HOXA3: variants seen among roughly 807,000 people sequenced by gnomAD.
HOXA3 encodes the protein homeobox A3, also known as homeobox protein Hox-A3.
A neutral mutation model predicts 30.3 loss-of-function variants in HOXA3; 8 were observed. The observed-to-expected ratio is 0.26, with a 90% CI of 0.15 to 0.48. The LOEUF (loss-of-function observed/expected upper bound fraction) is 0.48. HOXA3 is among the 20% of genes least tolerant of loss of function. The pLI, the probability that HOXA3 is intolerant of heterozygous loss-of-function variation, is 0.99. For synonymous variants in HOXA3, 323 were observed against 273.1 expected (o/e 1.18, Z -1.80); for missense variants, 653 against 614.4 (o/e 1.06, Z -0.66).
intron 4 of HOXA3, among the ~76,000 whole-genome samples, chr7:27,119,241 C>T (rs1028271101): frequency 6.7e-6 from 1 of 148,784 alleles, no homozygotes; most frequent in Admixed American, 6.8e-5. Flanking sequence ...ACCCTCTCCA[C>T]AGGCAGGTCT....
At chr7:27,151,740 G>C (rs1017777956) in intron 1 of HOXA3, 2 of 455,944 alleles carry the variant, frequency 4.4e-6, no homozygotes, top group Non-Finnish European at 4.4e-6. Flanking sequence ...CCACGGAGTA[G>C]AAAGTGCTGT....
intron 1 of HOXA3, chr7:27,143,059 C>T (rs1782630107): frequency 6.5e-7 from 1 of 1,529,500 alleles, no homozygotes; most frequent in Non-Finnish European, 8.7e-7. Context: ...GACTTATGTG[C>T]AGCTTGCGCA....
intron 2 of HOXA3, among the ~76,000 whole-genome samples, chr7:27,136,630 C>T (rs1412440809): frequency 6.6e-6 from 1 of 152,198 alleles, no homozygotes; most frequent in East Asian, 1.9e-4. Flanking sequence ...TTTACTTAAC[C>T]CGGCAGTGAA....
At chr7:27,134,797 C>T (rs954228860) in intron 2 of HOXA3, among the ~76,000 whole-genome samples, 1 of 152,210 alleles carries the variant, frequency 6.6e-6, no homozygotes, top group Admixed American at 6.5e-5. Flanking sequence ...ACTGAACATA[C>T]CTGGCACCAT....
intron 2 of HOXA3, among the ~76,000 whole-genome samples, chr7:27,136,638 G>A (rs1239506551): frequency 6.6e-6 from 1 of 152,220 alleles, no homozygotes. Flanking sequence ...ACCCGGCAGT[G>A]AACTGCGCGG....
intron 3 of HOXA3, chr7:27,123,510 G>A (rs1311352217): frequency 6.5e-6 from 1 of 152,890 alleles, no homozygotes; most frequent in Non-Finnish European, 1.5e-5. Flanking sequence ...GAGATGATGG[G>A]GAAAGAGGAA....
intron 2 of HOXA3, among the ~76,000 whole-genome samples, chr7:27,134,994 T>C: frequency 6.6e-6 from 1 of 152,200 alleles, no homozygotes; most frequent in South Asian, 2.1e-4. Flanking sequence ...ATATGTCCTC[T>C]GGAAAATAGA....
intron 2 of HOXA3, among the ~76,000 whole-genome samples, chr7:27,135,085 CAT>C (rs1299012050): frequency 6.6e-6 from 1 of 152,040 alleles, no homozygotes; most frequent in Non-Finnish European, 1.5e-5. Flanking sequence ...GCAACTCACA[CAT>C]GAGGCATGGT....
intron 5 of HOXA3, chr7:27,109,910 A>G (rs2128039505): frequency 1.6e-6 from 1 of 616,214 alleles, no homozygotes; most frequent in South Asian, 2.0e-5. Context: ...GACTCCCAGC[A>G]GGTCTCTGGT....
chr7:27,107,540 C>T lies in HOXA3; in HGVS notation c.*375G>A, dbSNP rs894671965. ...AATTTAAAATTAAAAAAAGTAATCG[C>T]TTCCCCTCGGGAGCCATAATGTAAG... is the stretch of plus-strand genomic sequence containing the variant. On this transcript the variant is annotated 3_prime_UTR_variant, in exon 6 of 6. Coordinates refer to ENST00000612286, the MANE Select transcript of HOXA3 (RefSeq NM_153631.3). 3 of 188,784 alleles carry T rather than the reference C, an allele frequency of 1.6e-5. No individual in the cohort carries two copies. Among genetic ancestry groups the T allele is most frequent in the Non-Finnish European group, 3.2e-5 (3 of 92,670 alleles). The allele number at this position is 188,784 out of a possible 1,614,324, so 11.7% of individuals were successfully genotyped here. A position where few individuals can be genotyped will look rare whatever the true frequency, so the allele number is the denominator to read the frequency against.
chr7:27,117,238 C>T (rs1414847885), intron 4 of HOXA3, among the ~76,000 whole-genome samples: 2 of 152,226 alleles, frequency 1.3e-5, no homozygotes, highest in Admixed American at 6.5e-5. Flanking sequence ...GCCTCTGCTT[C>T]CTGAGGACTC....
intron 1 of HOXA3, among the ~76,000 whole-genome samples, chr7:27,144,889 G>A (rs953377059): frequency 2.0e-5 from 3 of 152,210 alleles, no homozygotes; most frequent in African/African-American, 4.8e-5. Context: ...TGGGCCCCTC[G>A]TTGGGTCCTG....
At chr7:27,131,047 G>C (rs1240904334) in intron 2 of HOXA3, among the ~76,000 whole-genome samples, 2 of 152,154 alleles carry the variant, frequency 1.3e-5, no homozygotes, top group Non-Finnish European at 2.9e-5. Flanking sequence ...CGGCCCCTGG[G>C]CTGGGGGAGG....
At chr7:27,130,024 C>A (rs1329227819) in intron 2 of HOXA3, 1 of 1,398,266 alleles carries the variant, frequency 7.2e-7, no homozygotes, top group Admixed American at 2.0e-5. Context: ...CTCCCGAGGC[C>A]CCCTTCCCCT....
intron 1 of HOXA3, chr7:27,147,565 T>A (rs1190969532): frequency 3.7e-6 from 6 of 1,613,792 alleles, no homozygotes; most frequent in Non-Finnish European, 4.2e-6. Flanking sequence ...CAGGACCGAG[T>A]TGGACTGTTG....
At chr7:27,110,039 T>C (rs1784271480) in intron 5 of HOXA3, 76 bp downstream of exon 5, 1 of 1,546,496 alleles carries the variant, frequency 6.5e-7, no homozygotes, top group African/African-American at 1.4e-5. Flanking sequence ...TCCTAGGCTG[T>C]GCTGGATGTC....
At chr7:27,129,546 C>T in intron 2 of HOXA3, 1 of 1,613,802 alleles carries the variant, frequency 6.2e-7, no homozygotes, top group Non-Finnish European at 8.5e-7. Context: ...AGCGCTTAGG[C>T]TCCCCTCCGT....
At chr7:27,134,762 G>A (rs1198404768) in intron 2 of HOXA3, among the ~76,000 whole-genome samples, 1 of 152,208 alleles carries the variant, frequency 6.6e-6, no homozygotes, top group Non-Finnish European at 1.5e-5. Flanking sequence ...CATGAAGGCA[G>A]TGTTTGGAAA....
At chr7:27,130,177 C>G (rs1250446186) in intron 2 of HOXA3, 1 of 1,593,460 alleles carries the variant, frequency 6.3e-7, no homozygotes, top group Non-Finnish European at 8.5e-7. Context: ...GCCCTTCAGG[C>G]CCAGCGGGCT....
Sources: gnomAD v4.1 joint callset for allele counts (sites outside exome capture counted in the v4.1 genomes callset) on GRCh38, gnomAD v4.1.1 for gene constraint, MANE v1.5 for transcripts, NCBI Gene and HGNC (gene_info 2026-07-23, HGNC 2026-07-21) for gene names.